The following CDH18 variants were observed in gnomAD, a reference collection of about 807,000 sequenced individuals.
CDH18 encodes cadherin 18.
A neutral mutation model predicts 67.9 loss-of-function variants in CDH18; 31 were observed. The observed-to-expected ratio is 0.46, with a 90% confidence interval of 0.34 to 0.62. The LOEUF (loss-of-function observed/expected upper bound fraction) is 0.62, where lower values mean the gene tolerates loss of function less well. Among genes scored for constraint, CDH18 ranks in the 20% least tolerant of loss-of-function variants. CDH18 has a pLI of 0.01. For synonymous variants in CDH18, 362 were observed against 347.2 expected (o/e 1.04, Z -0.48); for missense variants, 890 against 975.5 (o/e 0.91, Z 1.17).
chr5:20,140,338 G>C (rs1352784111), intron 2 of CDH18, among the ~76,000 whole-genome samples: 1 of 151,946 alleles, frequency 6.6e-6, no homozygotes, highest in Non-Finnish European at 1.5e-5. Flanking sequence ...GAGGGGGAAG[G>C]GATAACATTA....
At chr5:19,564,076 T>C (rs977226671) in intron 8 of CDH18, among the ~76,000 whole-genome samples, 14 of 152,184 alleles carry the variant, frequency 9.2e-5, no homozygotes, top group Non-Finnish European at 1.8e-4. Context: ...GGTCAAAACC[T>C]GAGTTCTGGC....
intron 1 of CDH18, among the ~76,000 whole-genome samples, chr5:20,546,652 TACATCCCATC>T (rs1220591414): frequency 6.6e-6 from 1 of 152,040 alleles, no homozygotes; most frequent in Non-Finnish European, 1.5e-5. Context: ...AGGATCCAAT[TACATCCCATC>T]ACATCCCTCC....
Position 20,341,484 on chromosome 5 carries a change from T to C in CDH18, c.-579-85979A>G, listed in dbSNP as rs1368672296. Among the ~76,000 whole-genome samples, 3 of 151,996 alleles carry C rather than the reference T, an allele frequency of 2.0e-5. No individual in the cohort carries two copies. The East Asian group carries it at 5.8e-4, about 29-fold the overall frequency. ...GACCTTGTGATGATGTAAGTTAATA[T>C]TTAATAAACTCTCCTTTGTATATAT... On this transcript the variant is annotated intron_variant, in intron 1 of 14. Transcript: ENST00000507958.
chr5:19,666,389 T>A (rs1757958499), intron 5 of CDH18, among the ~76,000 whole-genome samples: 1 of 151,564 alleles, frequency 6.6e-6, no homozygotes, highest in Non-Finnish European at 1.5e-5. Context: ...ATTACAGGCA[T>A]ACGCCACCAC....
intron 5 of CDH18, among the ~76,000 whole-genome samples, chr5:19,621,263 A>G (rs940562322): frequency 7.3e-5 from 11 of 150,720 alleles, no homozygotes; most frequent in Non-Finnish European, 1.3e-4. Context: ...CTGGATCATA[A>G]GGCAGTTCTA....
intron 5 of CDH18, among the ~76,000 whole-genome samples, chr5:19,720,422 T>A (rs867473930): frequency 4.6e-5 from 7 of 152,242 alleles, no homozygotes; most frequent in Middle Eastern, 3.4e-3. Flanking sequence ...ACTTCATCCA[T>A]CTCATAAATA....
chr5:20,175,925 C>T (rs1459079549), intron 2 of CDH18, among the ~76,000 whole-genome samples: 1 of 152,108 alleles, frequency 6.6e-6, no homozygotes, highest in Non-Finnish European at 1.5e-5. Context: ...ATCCTTCAGT[C>T]CAATCAAGTT....
intron 2 of CDH18, among the ~76,000 whole-genome samples, chr5:20,050,194 G>T (rs1741288492): frequency 6.6e-6 from 1 of 151,822 alleles, no homozygotes; most frequent in Non-Finnish European, 1.5e-5. Context: ...GGGTTGAAGG[G>T]CATTTCCTAA....
At chr5:19,753,160 T>C (rs1771086635) in intron 3 of CDH18, among the ~76,000 whole-genome samples, 1 of 152,016 alleles carries the variant, frequency 6.6e-6, no homozygotes, top group African/African-American at 2.4e-5. Flanking sequence ...TTACCAGCAA[T>C]GGATGCAAAC....
chr5:20,172,215 T>TATATATACAC (rs1736837443), intron 2 of CDH18, among the ~76,000 whole-genome samples: 1 of 28,740 alleles, frequency 3.5e-5, no homozygotes, highest in African/African-American at 1.5e-4. Flanking sequence ...TATATATATA[T>TATATATACAC]ATATATATGT....
chr5:20,256,682 A>G (rs1238977081), intron 1 of CDH18, among the ~76,000 whole-genome samples: 2 of 152,064 alleles, frequency 1.3e-5, no homozygotes, highest in East Asian at 3.9e-4. Flanking sequence ...AGACAGAAGA[A>G]GATGTGTCAA....
intron 5 of CDH18, among the ~76,000 whole-genome samples, chr5:19,650,821 T>C (rs939729616): frequency 6.6e-6 from 1 of 152,162 alleles, no homozygotes; most frequent in African/African-American, 2.4e-5. Flanking sequence ...GAATTAGCTC[T>C]TTTCAGATGG....
chr5:20,512,234 A>T (rs1717451322), intron 1 of CDH18, among the ~76,000 whole-genome samples: 2 of 152,126 alleles, frequency 1.3e-5, no homozygotes, highest in African/African-American at 4.8e-5. Flanking sequence ...AAAAAATAAA[A>T]AAATAAATGC....
chr5:20,176,689 C>T (rs1390612074), intron 2 of CDH18, among the ~76,000 whole-genome samples: 1 of 151,978 alleles, frequency 6.6e-6, no homozygotes, highest in South Asian at 2.1e-4. Flanking sequence ...TATTTAAATA[C>T]AGTTTTTGCT....
intron 2 of CDH18, among the ~76,000 whole-genome samples, chr5:20,207,446 G>C (rs1453496781): frequency 1.3e-5 from 2 of 151,972 alleles, no homozygotes; most frequent in Non-Finnish European, 2.9e-5. Flanking sequence ...ACATACAAGA[G>C]ACTGGGCAAT....
chr5:20,538,896 C>CTGTTTTTT (rs1756876180), intron 1 of CDH18, among the ~76,000 whole-genome samples: 1 of 69,128 alleles, frequency 1.4e-5, no homozygotes. Flanking sequence ...ACATAGCCAA[C>CTGTTTTTT]TGTTTTTTTT....
At chr5:20,472,598 A>G (rs897793928) in intron 1 of CDH18, among the ~76,000 whole-genome samples, 1 of 152,210 alleles carries the variant, frequency 6.6e-6, no homozygotes, top group African/African-American at 2.4e-5. Flanking sequence ...AGTTAATACA[A>G]TCATGAATTC....
At chr5:20,114,054 T>C (rs190966687) in intron 2 of CDH18, among the ~76,000 whole-genome samples, 79 of 152,344 alleles carry the variant, frequency 5.2e-4, no homozygotes, top group African/African-American at 1.7e-3. Context: ...GTTTTCCTGT[T>C]AATTGTTTTA....
intron 5 of CDH18, among the ~76,000 whole-genome samples, chr5:19,641,660 T>C (rs974426532): frequency 3.3e-5 from 5 of 151,938 alleles, no homozygotes; most frequent in African/African-American, 1.2e-4. Flanking sequence ...ACAAAATAGG[T>C]ATAGAAAGAA....
Sources: allele counts gnomAD v4.1 joint callset (sites outside exome capture counted in the v4.1 genomes callset), GRCh38; gene constraint gnomAD v4.1.1; transcripts MANE v1.5; gene names NCBI Gene and HGNC (gene_info 2026-07-23, HGNC 2026-07-21).